Variants in EPHB2 observed in about 807,000 individuals in gnomAD.
EPHB2 encodes ephrin type-B receptor 2.
In EPHB2, 18 loss-of-function variants were observed where a neutral mutation model predicts 96.4. The ratio of observed to expected loss-of-function variants is 0.19; its 90% CI spans 0.13 to 0.28. EPHB2 has a LOEUF of 0.28. EPHB2 is among the 10% of genes least tolerant of loss of function. EPHB2 has a pLI of 1.00. For missense variants in EPHB2, 989 were observed against 1,355.4 expected, an observed-to-expected ratio of 0.73 and a Z score of 4.25; for synonymous variants, 506 against 534.1, an observed-to-expected ratio of 0.95 and a Z score of 0.72.
chr1:22,825,880 T>A (rs988068532), intron 3 of EPHB2, among the ~76,000 whole-genome samples: 1 of 152,112 alleles, frequency 6.6e-6, no homozygotes, highest in Non-Finnish European at 1.5e-5. Context: ...GAGGATCGTC[T>A]GGGGGGATGC....
chr1:22,822,295 C>G (rs1645162798), intron 3 of EPHB2, among the ~76,000 whole-genome samples: 1 of 150,534 alleles, frequency 6.6e-6, no homozygotes, highest in African/African-American at 2.5e-5. Context: ...CCAGCCTGGG[C>G]AACATGGCGA....
At chr1:22,885,047 C>T (rs192028802) in intron 6 of EPHB2, among the ~76,000 whole-genome samples, 2 of 152,062 alleles carry the variant, frequency 1.3e-5, no homozygotes, top group Admixed American at 6.6e-5. Flanking sequence ...AGTGGACACA[C>T]GAGGGCCTGA....
At chr1:22,891,687 T>G (rs1456670911) in intron 6 of EPHB2, among the ~76,000 whole-genome samples, 1 of 152,192 alleles carries the variant, frequency 6.6e-6, no homozygotes, top group Non-Finnish European at 1.5e-5. Context: ...GAAGCCAAAA[T>G]TGGTGTTCTT....
chr1:22,814,634 C>T lies in EPHB2; in HGVS notation c.811+29558C>T, dbSNP rs558674795. On this transcript the variant is annotated intron_variant, in intron 3 of 15. Transcript: ENST00000374630. Reference sequence around the variant, plus strand: ...CCACTGAGGCTCAGAAAGGTGAATGCACTGCTTAAGGTCACACAGCCACAA... The same window carrying T: ...CCACTGAGGCTCAGAAAGGTGAATGTACTGCTTAAGGTCACACAGCCACAA... Among the ~76,000 whole-genome samples, 13 of 152,286 alleles carry T rather than the reference C, an allele frequency of 8.5e-5. No homozygotes were observed. In the South Asian group the frequency reaches 2.7e-3, roughly 32 times the overall value.
rs914778066 is a variant in EPHB2, at chr1:22,906,494, G to A, written c.1889-216G>A. ...CCATGCCCAGCCAGGGATAACCAGA[G>A]AACAACCATGAGGAATTTACTGTCC... On this transcript the variant is annotated intron_variant, in intron 10 of 15. Coordinates refer to ENST00000374630, the MANE Select transcript of EPHB2 (RefSeq NM_017449.5). The surrounding 1 kb of genome is among the most constrained non-coding windows in gnomAD (Gnocchi z 4.8). 6.6e-6 allele frequency among the ~76,000 whole-genome samples: 1 copy of A among 152,114 alleles called. No homozygotes were observed. Among genetic ancestry groups the A allele is most frequent in the African/African-American group, 2.4e-5 (1 of 41,422 alleles).
Position 22,735,183 on chromosome 1 carries a change from GGGAGGGTGAGGCA to G in EPHB2, c.61+24159_61+24171del, listed in dbSNP as rs375893722. Among the ~76,000 whole-genome samples the G allele has an allele frequency of 2.1e-3, 317 of 152,180 alleles. 1 individual carries two copies. Among genetic ancestry groups the G allele is most frequent in the African/African-American group, 6.7e-3 (279 of 41,522 alleles). On this transcript the variant is annotated intron_variant, in intron 1 of 15. Transcript: ENST00000374630. Reference sequence around the variant, plus strand: ...CACTCCTATAATCCCAGCACACTTTGGGAGGGTGAGGCAGGAGGGTGAGGCAGGAGGATTGCTT... The same window carrying G: ...CACTCCTATAATCCCAGCACACTTTGGGAGGGTGAGGCAGGAGGATTGCTT...
chr1:22,904,919 AC>A (rs1406473363), intron 9 of EPHB2, among the ~76,000 whole-genome samples: 1 of 152,130 alleles, frequency 6.6e-6, no homozygotes, highest in East Asian at 1.9e-4. Context: ...CCTTATGGTG[AC>A]CCAAGGATTT....
intron 3 of EPHB2, among the ~76,000 whole-genome samples, chr1:22,793,474 G>A (rs1644724995): frequency 6.6e-6 from 1 of 152,288 alleles, no homozygotes. Flanking sequence ...GGGCTGAAAG[G>A]GCAATTAGTC....
chr1:22,877,395 G>C (rs1224807691), intron 5 of EPHB2, among the ~76,000 whole-genome samples: 6 of 152,166 alleles, frequency 3.9e-5, no homozygotes, highest in African/African-American at 1.4e-4. Flanking sequence ...CCCTTTTTCT[G>C]GGCACCATGG....
intron 5 of EPHB2, among the ~76,000 whole-genome samples, chr1:22,869,937 G>A (rs77170999): frequency 0.019 from 2,886 of 152,198 alleles, 100 homozygotes; most frequent in African/African-American, 0.066. Flanking sequence ...TGGTTTTCCC[G>A]GCACCTAGAG....
chr1:22,714,325 A>G (rs1036863559), intron 1 of EPHB2, among the ~76,000 whole-genome samples: 6 of 152,184 alleles, frequency 3.9e-5, no homozygotes, highest in Non-Finnish European at 7.4e-5. Flanking sequence ...TTTCCCTGCT[A>G]TGAAACTTTC....
At chr1:22,908,879 G>A (rs766170925) in intron 12 of EPHB2, 143 bp from the exon 13 acceptor site, 49 of 1,321,648 alleles carry the variant, frequency 3.7e-5, no homozygotes, top group Non-Finnish European at 4.9e-5. Context: ...ATGCCCAGTG[G>A]TCTGAAGCTG....
chr1:22,831,358 C>G (rs147999392), intron 3 of EPHB2, among the ~76,000 whole-genome samples: 9 of 152,056 alleles, frequency 5.9e-5, no homozygotes, highest in Non-Finnish European at 1.2e-4. Flanking sequence ...CTACCTCCCC[C>G]CTTAGCAGAA....
chr1:22,855,189 G>A (rs1645680617), intron 3 of EPHB2, among the ~76,000 whole-genome samples: 1 of 152,192 alleles, frequency 6.6e-6, no homozygotes, highest in Admixed American at 6.5e-5. Flanking sequence ...GCCCAGAGTG[G>A]GCAGGAAGTA....
At chr1:22,752,672 G>A (rs191006993) in intron 1 of EPHB2, among the ~76,000 whole-genome samples, 187 of 151,180 alleles carry the variant, frequency 1.2e-3, no homozygotes, top group African/African-American at 4.4e-3. Flanking sequence ...CTATATATTT[G>A]TATATAAAAA....
At chr1:22,826,000 G>T (rs185352069) in intron 3 of EPHB2, among the ~76,000 whole-genome samples, 1 of 152,332 alleles carries the variant, frequency 6.6e-6, no homozygotes, top group African/African-American at 2.4e-5. Flanking sequence ...TGAGGCCTGA[G>T]GAGTGAGGAG....
chr1:22,784,338 T>A lies in EPHB2; in HGVS notation c.127-54T>A, dbSNP rs1017711020. 6.4e-7 allele frequency: 1 copy of A among 1,560,146 alleles called. No homozygotes were observed. The highest frequency in any genetic ancestry group is 1.4e-5 in the African/African-American group (1 of 73,824). The stretch of plus-strand genomic sequence containing the variant: ...TCTGTGTCTTCCACCTTAGACTGAG[T>A]GTGTGCTGGGGCTGAGCCCTTACCT... On this transcript the variant is annotated intron_variant, in intron 2 of 15. Transcript: ENST00000374630. This position sits in a 1 kb window ranked among gnomAD's most constrained non-coding sequence, Gnocchi z 5.1.
At chr1:22,912,651 C>A (rs1225717534) in intron 15 of EPHB2, 52 bp downstream of exon 15, 2 of 1,607,404 alleles carry the variant, frequency 1.2e-6, no homozygotes, top group South Asian at 1.1e-5. Flanking sequence ...TCTCCACCGG[C>A]CCCACCAGCC....
intron 1 of EPHB2, among the ~76,000 whole-genome samples, chr1:22,723,964 A>T (rs1231384128): frequency 6.6e-6 from 1 of 152,246 alleles, no homozygotes; most frequent in African/African-American, 2.4e-5. Flanking sequence ...AATCCTACAG[A>T]TGAAAAAATT....
Sources: allele counts gnomAD v4.1 joint callset (sites outside exome capture counted in the v4.1 genomes callset), GRCh38; gene constraint gnomAD v4.1.1; non-coding constraint Gnocchi (gnomAD v3.1); transcripts MANE v1.5; gene names NCBI Gene and HGNC (gene_info 2026-07-23, HGNC 2026-07-21).